ZNF562: variants seen among roughly 807,000 people sequenced by gnomAD.
ZNF562 encodes zinc finger protein 562.
In ZNF562, 13 loss-of-function variants were observed where a neutral mutation model predicts 17.5. The observed-to-expected ratio is 0.74, with a 90% CI of 0.48 to 1.18. ZNF562 has a LOEUF of 1.18. Among genes scored for constraint, ZNF562 ranks in the 50% most tolerant of loss-of-function variants. ZNF562 has a pLI of 0.00. For synonymous variants in ZNF562, 163 were observed against 165.4 expected, an observed-to-expected ratio of 0.99 and a Z score of 0.11; for missense variants, 481 against 498.5, an observed-to-expected ratio of 0.96 and a Z score of 0.33.
rs758405841 is a variant in ZNF562, at chr19:9,669,705, TGCACGCGCGCGAGCGC to T, written c.-131+5294_-131+5309del. 7.1e-3 allele frequency among the ~76,000 whole-genome samples: 726 copies of T among 102,922 alleles called. 4 individuals carry two copies. Among genetic ancestry groups the T allele is most frequent in the South Asian group, 0.012 (41 of 3,480 alleles). 67.5% of individuals were successfully genotyped at this position (102,922 alleles called of 152,430 possible). ...CTGAAACTGGCAAGACCTGTCTGCA[TGCACGCGCGCGAGCGC>T]GCGCGCGCGCGCGCACACACACACA... On this transcript the variant is annotated intron_variant, in intron 1 of 5. Transcript: ENST00000453372.
In ZNF562 at chr19:9,660,872, G is replaced by T; in HGVS notation, c.-128C>A. 1 of 839,218 alleles carries T rather than the reference G, an allele frequency of 1.2e-6. No individual in the cohort carries two copies. Among genetic ancestry groups the T allele is most frequent in the Non-Finnish European group, 1.9e-6 (1 of 540,402 alleles). The allele number at this position is 839,218 out of a possible 1,614,324, so 52.0% of individuals were successfully genotyped here. A position where few individuals can be genotyped will look rare whatever the true frequency, so the allele number is the denominator to read the frequency against. On this transcript the variant is annotated splice_region_variant and 5_prime_UTR_variant, in exon 2 of 6. Transcript: ENST00000453372. ...TCCCCTTTGTACAGGGTTATCTGAGGCCCTGTTCATACCAATCACCAAACA... is the reference window on the plus strand; with the variant it reads ...TCCCCTTTGTACAGGGTTATCTGAGTCCCTGTTCATACCAATCACCAAACA...
chr19:9,671,951 TACTGTC>T (rs1254354531), intron 1 of ZNF562, among the ~76,000 whole-genome samples: 2 of 152,220 alleles, frequency 1.3e-5, no homozygotes, highest in Non-Finnish European at 2.9e-5. Flanking sequence ...ATGAAGTACA[TACTGTC>T]ACCCATTATC....
chr19:9,658,365 T>A (rs2043601767), intron 3 of ZNF562: 1 of 981,906 alleles, frequency 1.0e-6, no homozygotes, highest in South Asian at 4.7e-5. Context: ...TTCTTTTTTT[T>A]TGTGACAGAG....
In ZNF562 at chr19:9,658,055, G is replaced by A. The variant is rs767363442; in HGVS notation, c.195C>T (p.Leu65=). 1 of 1,613,892 alleles carries A rather than the reference G, an allele frequency of 6.2e-7. No individual in the cohort carries two copies. Among genetic ancestry groups the A allele is most frequent in the South Asian group, 1.1e-5 (1 of 91,024 alleles). The change falls in exon 4 of 6, where the codon CTC becomes CTT. Residue 65 remains leucine, a synonymous_variant. Coordinates refer to ENST00000453372, the MANE Select transcript of ZNF562 (RefSeq NM_001130031.2). ...WALLDTTQKY[L]YRDVMLENYM... ...AGTTCTCCAGCATCACATCTCTGTA[G>A]AGGTATTTCTGAGTTGTGTCCAGTA...
chr19:9,655,713 C>CTTTTTTTTTT (rs2043444189), intron 5 of ZNF562, among the ~76,000 whole-genome samples: 1 of 54,552 alleles, frequency 1.8e-5, no homozygotes, highest in African/African-American at 6.8e-5. Flanking sequence ...ACTTTCTTTT[C>CTTTTTTTTTT]TTTCTTTTTT....
rs991527379 is a variant in ZNF562 at position 9,649,057 on chromosome 19, T to G, written c.*3892A>C. ...TGGCTGAAGCCATGGCAGAAAAACA[T>G]GGATTGTGAAGGTTTCATGGACATT... On this transcript the variant is annotated 3_prime_UTR_variant, in exon 6 of 6. Coordinates refer to ENST00000453372, the MANE Select transcript of ZNF562 (RefSeq NM_001130031.2). 1 of 152,238 alleles carries G rather than the reference T, an allele frequency of 6.6e-6. No homozygotes were observed. Among genetic ancestry groups the G allele is most frequent in the African/African-American group, 2.4e-5 (1 of 41,440 alleles). 9.4% of individuals were successfully genotyped at this position (152,238 alleles called of 1,614,324 possible). A position where few individuals can be genotyped will look rare whatever the true frequency, so the allele number is the denominator to read the frequency against.
At position 9,659,642 on chromosome 19, in the gene ZNF562, G is replaced by A. The variant is rs187629563; in HGVS notation, c.26-175C>T. On this transcript the variant is annotated intron_variant, in intron 2 of 5. Transcript: ENST00000453372. ...TCCTGTATCACCTAGACCCAGAAAAGCAGATATGGGCTGAGCTGCCTGTTG... is the reference window on the plus strand; with the variant it reads ...TCCTGTATCACCTAGACCCAGAAAAACAGATATGGGCTGAGCTGCCTGTTG... 3.2e-4 allele frequency among the ~76,000 whole-genome samples: 48 copies of A among 152,108 alleles called. No homozygotes were observed. The East Asian group carries it at 8.7e-3, about 28-fold the overall frequency.
chr19:9,659,395 C>A lies in ZNF562; in HGVS notation c.98G>T (p.Arg33Leu). The A allele has an allele frequency of 1.3e-6, 2 of 1,551,172 alleles. No homozygotes were observed. The highest frequency in any genetic ancestry group is 1.7e-6 in the Non-Finnish European group (2 of 1,146,732). The change falls in exon 3 of 6, where the codon CGG (arginine) becomes CTG (leucine). Residue 33 changes from arginine (R) to leucine (L), a missense_variant. Arg to Leu is a moderately radical substitution (Grantham distance 102, BLOSUM62 -2). Transcript: ENST00000453372. ...TCTGTTTACCTGGTAAGAATTTGAC[C>A]GGTGGTCCTCTACCATCGTTCCTAT... The part of the protein sequence containing the change: ...TKIGTMVEDH[R>L]SNSYQDSVTF...
Position 9,650,263 on chromosome 19 carries a change from G to T in ZNF562, c.*2686C>A, listed in dbSNP as rs1300162078. On this transcript the variant is annotated 3_prime_UTR_variant, in exon 6 of 6. Coordinates refer to ENST00000453372, the MANE Select transcript of ZNF562 (RefSeq NM_001130031.2). ...CATCATACGAATTTTGGGGGTCATT[G>T]TTCAGTCCAAAGTACTTAATATGAT... 2.0e-5 allele frequency: 3 copies of T among 151,872 alleles called. No individual in the cohort carries two copies. The South Asian group carries it at 6.2e-4, about 32-fold the overall frequency. The allele number at this position is 151,872 out of a possible 1,614,324, so 9.4% of individuals were successfully genotyped here. A position where few individuals can be genotyped will look rare whatever the true frequency, so the allele number is the denominator to read the frequency against.
rs139314014 is a variant in ZNF562, at chr19:9,671,872, C to T, written c.-131+3143G>A. On this transcript the variant is annotated intron_variant, in intron 1 of 5. Coordinates refer to ENST00000453372, the MANE Select transcript of ZNF562 (RefSeq NM_001130031.2). ...CCACTAGCACATGACAGAGAATGAA[C>T]AACTAGTCATGGGACATGAAGTAAC... 6.4e-4 allele frequency among the ~76,000 whole-genome samples: 98 copies of T among 152,288 alleles called. 1 individual carries two copies. Among genetic ancestry groups the T allele is most frequent in the Middle Eastern group, 3.4e-3 (1 of 294 alleles).
At chr19:9,666,788 A>G (rs2043974603) in intron 1 of ZNF562, among the ~76,000 whole-genome samples, 1 of 152,196 alleles carries the variant, frequency 6.6e-6, no homozygotes, top group Non-Finnish European at 1.5e-5. Flanking sequence ...AGAAATAGAC[A>G]AATTCTTGGG....
chr19:9,655,385 AG>A (rs1189847456), intron 5 of ZNF562, among the ~76,000 whole-genome samples: 1 of 152,236 alleles, frequency 6.6e-6, no homozygotes, highest in Non-Finnish European at 1.5e-5. Flanking sequence ...CAAGTTATAC[AG>A]GTATGGAACA....
chr19:9,664,833 A>G (rs930554275), intron 1 of ZNF562, among the ~76,000 whole-genome samples: 1 of 152,028 alleles, frequency 6.6e-6, no homozygotes, highest in South Asian at 2.1e-4. Context: ...CGACAGAGTG[A>G]GACTCTGTCT....
chr19:9,659,323 G>T, intron 3 of ZNF562, 56 bp downstream of exon 3: 1 of 1,437,256 alleles, frequency 7.0e-7, no homozygotes. Context: ...AAGGAAATGT[G>T]TCTACCTATT....
At position 9,651,417 on chromosome 19, in the gene ZNF562, A is replaced by C. The variant is rs1047109095; in HGVS notation, c.*1532T>G. The C allele has an allele frequency of 2.6e-5, 4 of 152,368 alleles. No individual in the cohort carries two copies. The highest frequency in any genetic ancestry group is 3.9e-4 in the East Asian group (2 of 5,186). 9.4% of individuals were successfully genotyped at this position (152,368 alleles called of 1,614,324 possible). A position where few individuals can be genotyped will look rare whatever the true frequency, so the allele number is the denominator to read the frequency against. ...GTTAAAGGACACAGGAAGCTTCATT[A>C]TTCCTGAGTGCTTACAGGAAAATGT... On this transcript the variant is annotated 3_prime_UTR_variant, in exon 6 of 6. Transcript: ENST00000453372.
chr19:9,669,662 T>A (rs1365459834), intron 1 of ZNF562, among the ~76,000 whole-genome samples: 1 of 149,886 alleles, frequency 6.7e-6, no homozygotes, highest in Non-Finnish European at 1.5e-5. Flanking sequence ...TGTACACACA[T>A]GCACGCACAA....
rs1216733142 is a variant in ZNF562 at position 9,644,765 on chromosome 19, GA to G, written c.*8183del. 2.0e-5 allele frequency: 3 copies of G among 151,500 alleles called. No individual in the cohort carries two copies. The highest frequency in any genetic ancestry group is 7.3e-5 in the African/African-American group (3 of 41,262). 9.4% of individuals were successfully genotyped at this position (151,500 alleles called of 1,614,324 possible). A position where few individuals can be genotyped will look rare whatever the true frequency, so the allele number is the denominator to read the frequency against. ...ATGAGAATTACTTGAACAGCATGGG[GA>G]AACCCCCCCCCATGATTCTATTACC... On this transcript the variant is annotated 3_prime_UTR_variant, in exon 6 of 6. Transcript: ENST00000453372.
chr19:9,669,970 G>T (rs1207612387), intron 1 of ZNF562, among the ~76,000 whole-genome samples: 1 of 152,270 alleles, frequency 6.6e-6, no homozygotes, highest in Non-Finnish European at 1.5e-5. Context: ...GCTGAGGTAA[G>T]AGAATTGCTT....
intron 1 of ZNF562, among the ~76,000 whole-genome samples, chr19:9,664,959 T>C (rs1358950153): frequency 1.3e-5 from 2 of 152,158 alleles, no homozygotes; most frequent in South Asian, 2.1e-4. Context: ...TAGTGGCTCA[T>C]GCCTGTAATG....
Sources: allele counts gnomAD v4.1 joint callset (sites outside exome capture counted in the v4.1 genomes callset), GRCh38; gene constraint gnomAD v4.1.1; transcripts MANE v1.5; gene names NCBI Gene and HGNC (gene_info 2026-07-23, HGNC 2026-07-21).